SLC39A11: variants seen among roughly 807,000 people sequenced by gnomAD.
SLC39A11 encodes the protein zinc transporter ZIP11.
In SLC39A11, 33 loss-of-function variants were observed where a neutral mutation model predicts 36.1. That is an observed-to-expected ratio of 0.91 (90% CI 0.69 to 1.22). SLC39A11 has a LOEUF of 1.22. SLC39A11 is among the 50% of genes most tolerant of loss of function. The probability of loss-of-function intolerance (pLI) is 0.00; values close to 1 mark genes in which losing one functional copy is unlikely to be tolerated. For synonymous variants in SLC39A11, 166 were observed against 170.3 expected (o/e 0.97, Z 0.20); for missense variants, 432 against 430.3 (o/e 1.00, Z -0.03).
intron 7 of SLC39A11, among the ~76,000 whole-genome samples, chr17:72,686,960 G>A (rs943160499): frequency 2.0e-5 from 3 of 152,258 alleles, no homozygotes; most frequent in African/African-American, 7.2e-5. Flanking sequence ...CTTCCGAATA[G>A]CTATTTTCCA....
intron 4 of SLC39A11, among the ~76,000 whole-genome samples, chr17:72,952,509 G>A (rs1469963676): frequency 6.6e-6 from 1 of 152,158 alleles, no homozygotes; most frequent in African/African-American, 2.4e-5. Context: ...TCTGCTCACT[G>A]GGCATGGGGA....
chr17:72,701,250 G>A (rs1327328297), intron 7 of SLC39A11, among the ~76,000 whole-genome samples: 2 of 152,236 alleles, frequency 1.3e-5, no homozygotes, highest in Non-Finnish European at 2.9e-5. Context: ...GGGAGGTGTG[G>A]AGGAAGCTGA....
intron 5 of SLC39A11, among the ~76,000 whole-genome samples, chr17:72,857,251 T>C (rs1010900130): frequency 4.6e-5 from 7 of 152,340 alleles, no homozygotes; most frequent in African/African-American, 1.7e-4. Context: ...TTTCTGTTCC[T>C]GCATTAGTTT....
intron 7 of SLC39A11, among the ~76,000 whole-genome samples, chr17:72,676,879 C>T (rs2071283583): frequency 6.6e-6 from 1 of 152,180 alleles, no homozygotes; most frequent in Non-Finnish European, 1.5e-5. Context: ...TGTGCCGTCC[C>T]ACCTCACTGT....
At chr17:73,088,190 A>G (rs531491487) in intron 2 of SLC39A11, among the ~76,000 whole-genome samples, 1 of 151,212 alleles carries the variant, frequency 6.6e-6, no homozygotes, top group Admixed American at 6.6e-5. Flanking sequence ...GCTACTCTGG[A>G]GGCTGAGGCA....
intron 3 of SLC39A11, among the ~76,000 whole-genome samples, chr17:73,078,473 TTTTG>T (rs1330078575): frequency 2.7e-5 from 4 of 149,286 alleles, no homozygotes; most frequent in East Asian, 1.9e-4. Flanking sequence ...TTCATTAGTC[TTTTG>T]TTTGTTTGTT....
At chr17:72,677,593 G>A (rs2071328460) in intron 7 of SLC39A11, among the ~76,000 whole-genome samples, 1 of 152,216 alleles carries the variant, frequency 6.6e-6, no homozygotes, top group Non-Finnish European at 1.5e-5. Context: ...GAGGGTTTGT[G>A]AGTGAGGTTC....
chr17:72,981,573 G>T (rs2088303040), intron 4 of SLC39A11, among the ~76,000 whole-genome samples: 1 of 129,280 alleles, frequency 7.7e-6, no homozygotes, highest in African/African-American at 2.9e-5. Context: ...ATAGATTCTG[G>T]ATGAATTAAA....
chr17:72,986,462 G>A (rs565614533), intron 4 of SLC39A11, among the ~76,000 whole-genome samples: 25 of 152,272 alleles, frequency 1.6e-4, no homozygotes, highest in East Asian at 1.3e-3. Context: ...CGAGTGTGAC[G>A]CGCCACCTGC....
chr17:72,662,661 G>GAA (rs1419763108), intron 7 of SLC39A11, among the ~76,000 whole-genome samples: 7 of 89,816 alleles, frequency 7.8e-5, no homozygotes, highest in African/African-American at 1.2e-4. Flanking sequence ...AAAAAGAAAA[G>GAA]AAAAAGGAAG....
intron 3 of SLC39A11, among the ~76,000 whole-genome samples, chr17:73,032,724 T>C (rs755995541): frequency 1.3e-5 from 2 of 152,170 alleles, no homozygotes; most frequent in Non-Finnish European, 2.9e-5. Context: ...CTCTGAAATA[T>C]CTGAAGATAA....
intron 4 of SLC39A11, among the ~76,000 whole-genome samples, chr17:72,966,878 G>C (rs999757426): frequency 6.6e-5 from 10 of 152,162 alleles, no homozygotes; most frequent in Non-Finnish European, 1.5e-4. Flanking sequence ...CGCTTCATCT[G>C]TATTTACAGC....
chr17:72,723,341 T>C lies in SLC39A11; in HGVS notation c.671+13309A>G, dbSNP rs990652278. Among the ~76,000 whole-genome samples the C allele has an allele frequency of 5.9e-5, 9 of 152,192 alleles. No homozygotes were observed. The East Asian group carries it at 1.7e-3, about 29-fold the overall frequency. On this transcript the variant is annotated intron_variant, in intron 7 of 9. Coordinates refer to ENST00000255559, the MANE Select transcript of SLC39A11 (RefSeq NM_139177.4). ...GTAAGAGTGTGTGTGTGTGTGTGTG[T>C]GTGTGTGTGTGTTTGCAGCCTAGCT...
intron 4 of SLC39A11, among the ~76,000 whole-genome samples, chr17:73,024,808 C>T: frequency 1.3e-5 from 2 of 151,674 alleles, no homozygotes; most frequent in East Asian, 3.9e-4. Context: ...AGGGATTCTG[C>T]TGCCTTAGCC....
rs183142849 is a variant in SLC39A11, at chr17:73,052,423, A to C, written c.148-20709T>G. Among the ~76,000 whole-genome samples, 54 of 152,308 alleles carry C rather than the reference A, an allele frequency of 3.5e-4. No individual in the cohort carries two copies. In the East Asian group the frequency reaches 9.7e-3, roughly 27 times the overall value. On this transcript the variant is annotated intron_variant, in intron 3 of 9. Transcript: ENST00000255559. ...GAATCAATGAAATTTTCCACCACGC[A>C]GAACAAAGCAGCAAACAGATGATAA...
chr17:72,685,435 G>A (rs538367222), intron 7 of SLC39A11, among the ~76,000 whole-genome samples: 1 of 152,252 alleles, frequency 6.6e-6, no homozygotes, highest in Non-Finnish European at 1.5e-5. Context: ...GAGGCCCAGC[G>A]ATGGGCAGGA....
intron 6 of SLC39A11, among the ~76,000 whole-genome samples, chr17:72,771,595 A>G (rs2567537): frequency 0.78 from 117,933 of 151,884 alleles, 46,128 homozygotes; most frequent in African/African-American, 0.88. Context: ...GGCCATCTCT[A>G]GTTACACAGC....
intron 3 of SLC39A11, among the ~76,000 whole-genome samples, chr17:73,079,759 C>G (rs2060453710): frequency 6.6e-6 from 1 of 152,118 alleles, no homozygotes; most frequent in African/African-American, 2.4e-5. Flanking sequence ...AAGACTCATC[C>G]AAAAACCTCC....
intron 4 of SLC39A11, among the ~76,000 whole-genome samples, chr17:72,953,810 G>A (rs532879399): frequency 1.3e-5 from 2 of 152,212 alleles, no homozygotes; most frequent in African/African-American, 2.4e-5. Flanking sequence ...CCTCACTGGG[G>A]TGAGTCATTG....
Sources: gnomAD v4.1 joint callset for allele counts (sites outside exome capture counted in the v4.1 genomes callset) on GRCh38, gnomAD v4.1.1 for gene constraint, MANE v1.5 for transcripts, NCBI Gene and HGNC (gene_info 2026-07-23, HGNC 2026-07-21) for gene names.